PALM2AKAP2: variants seen among roughly 807,000 people sequenced by gnomAD.
The protein encoded by PALM2AKAP2 is PALM2 and AKAP2 fusion, also known as PALM2-AKAP2 fusion protein.
PALM2AKAP2 carries 37 observed loss-of-function variants against 71.5 expected under a neutral mutation model. That is an observed-to-expected ratio of 0.52 (90% confidence interval 0.40 to 0.68). The LOEUF (loss-of-function observed/expected upper bound fraction) is 0.68. PALM2AKAP2 is among the 30% of genes least tolerant of loss of function. PALM2AKAP2 has a pLI of 0.00. For missense variants in PALM2AKAP2, 1,224 were observed against 1,191.8 expected (o/e 1.03, Z -0.40); for synonymous variants, 468 against 478.8 (o/e 0.98, Z 0.29).
At chr9:110,116,407 C>T (rs76852190) in intron 1 of PALM2AKAP2, among the ~76,000 whole-genome samples, 11,118 of 151,986 alleles carry the variant, frequency 0.073, 573 homozygotes, top group South Asian at 0.12. Flanking sequence ...TGTGCGTGTG[C>T]GTGTGCGCGT....
chr9:109,663,124 T>G (rs939201393), intron 1 of PALM2AKAP2, among the ~76,000 whole-genome samples: 3 of 152,180 alleles, frequency 2.0e-5, no homozygotes, highest in African/African-American at 4.8e-5. Context: ...ATTTTGTTGA[T>G]CTTTTCAAAA....
At chr9:110,064,166 T>C (rs1244897017) in intron 1 of PALM2AKAP2, among the ~76,000 whole-genome samples, 3 of 152,148 alleles carry the variant, frequency 2.0e-5, no homozygotes, top group Non-Finnish European at 4.4e-5. Context: ...ATCTCCTTGA[T>C]ATGAGATCCT....
intron 5 of PALM2AKAP2, among the ~76,000 whole-genome samples, chr9:109,928,749 G>A (rs1236679524): frequency 6.6e-6 from 1 of 150,820 alleles, no homozygotes; most frequent in East Asian, 2.0e-4. Flanking sequence ...TCAGCTCACT[G>A]CAACGTCCGC....
At chr9:110,168,823 G>A (rs971442119) in exon 4 of PALM2AKAP2, 4 of 250,850 alleles carry the variant, frequency 1.6e-5, no homozygotes, top group Non-Finnish European at 3.1e-5. Flanking sequence ...GCGGAACTGA[G>A]ACCAGCCTCT....
At chr9:109,691,891 TATATATATATACAC>T (rs1564114946) in intron 1 of PALM2AKAP2, among the ~76,000 whole-genome samples, 42 of 69,352 alleles carry the variant, frequency 6.1e-4, no homozygotes, top group African/African-American at 1.9e-3. Flanking sequence ...CATATATATA[TATATATATATACAC>T]ACACACATAT....
intron 1 of PALM2AKAP2, among the ~76,000 whole-genome samples, chr9:109,807,849 C>T (rs1827622680): frequency 6.6e-6 from 1 of 152,122 alleles, no homozygotes; most frequent in Non-Finnish European, 1.5e-5. Context: ...GGGGTGGTTA[C>T]CCCTGTGCTG....
chr9:110,097,120 C>T (rs1224000193), intron 1 of PALM2AKAP2, among the ~76,000 whole-genome samples: 2 of 149,648 alleles, frequency 1.3e-5, no homozygotes, highest in Non-Finnish European at 3.0e-5. Flanking sequence ...TGTTTGTGTC[C>T]CTGGGTACTT....
intron 1 of PALM2AKAP2, among the ~76,000 whole-genome samples, chr9:110,092,819 A>G (rs1429056753): frequency 3.3e-5 from 5 of 152,134 alleles, no homozygotes; most frequent in Admixed American, 3.3e-4. Flanking sequence ...TATCAAGGTG[A>G]CTGACAGCAG....
At chr9:110,159,369 A>G (rs1377348784) in intron 3 of PALM2AKAP2, among the ~76,000 whole-genome samples, 1 of 152,120 alleles carries the variant, frequency 6.6e-6, no homozygotes, top group East Asian at 1.9e-4. Context: ...TCCATTTGCC[A>G]ATATTTTTTC....
chr9:110,145,033 C>A (rs184746778), intron 2 of PALM2AKAP2, among the ~76,000 whole-genome samples: 5 of 152,296 alleles, frequency 3.3e-5, no homozygotes, highest in Admixed American at 2.0e-4. Context: ...GTAATAGCTT[C>A]TCTCTCCAAC....
intron 1 of PALM2AKAP2, among the ~76,000 whole-genome samples, chr9:110,101,382 G>A (rs1218687988): frequency 6.7e-6 from 1 of 149,240 alleles, no homozygotes; most frequent in Non-Finnish European, 1.5e-5. Flanking sequence ...CAGAACCTTT[G>A]CTGGGAGTTA....
At chr9:109,645,867 T>A (rs201128005) in intron 1 of PALM2AKAP2, among the ~76,000 whole-genome samples, 2 of 152,124 alleles carry the variant, frequency 1.3e-5, no homozygotes, top group African/African-American at 4.8e-5. Flanking sequence ...AATATACCCA[T>A]GTAACAAACT....
At chr9:109,647,705 A>G (rs1465833457) in intron 1 of PALM2AKAP2, among the ~76,000 whole-genome samples, 1 of 152,190 alleles carries the variant, frequency 6.6e-6, no homozygotes, top group African/African-American at 2.4e-5. Context: ...TGCTCTGTCT[A>G]CTTGTCACTT....
intron 1 of PALM2AKAP2, among the ~76,000 whole-genome samples, chr9:109,684,279 A>G (rs1420656915): frequency 1.3e-5 from 2 of 152,138 alleles, no homozygotes; most frequent in African/African-American, 4.8e-5. Flanking sequence ...TTCCTGCAGC[A>G]TCTAGGGCAG....
At chr9:109,789,680 C>T (rs919007080) in intron 1 of PALM2AKAP2, among the ~76,000 whole-genome samples, 2 of 152,084 alleles carry the variant, frequency 1.3e-5, no homozygotes, top group Non-Finnish European at 1.5e-5. Flanking sequence ...CACAGCATGG[C>T]GGAGTTTGTA....
chr9:109,967,882 C>G (rs1055867834), intron 6 of PALM2AKAP2, among the ~76,000 whole-genome samples: 1 of 152,176 alleles, frequency 6.6e-6, no homozygotes, highest in African/African-American at 2.4e-5. Flanking sequence ...ACCATGAAGA[C>G]CACTTGAAGT....
At chr9:110,036,427 C>T (rs1588071094) in intron 7 of PALM2AKAP2, among the ~76,000 whole-genome samples, 2 of 152,142 alleles carry the variant, frequency 1.3e-5, no homozygotes, top group African/African-American at 4.8e-5. Context: ...GCAGCTTCCA[C>T]TTCCAATTAT....
intron 1 of PALM2AKAP2, among the ~76,000 whole-genome samples, chr9:109,758,859 T>C (rs1274760305): frequency 6.6e-6 from 1 of 152,128 alleles, no homozygotes; most frequent in African/African-American, 2.4e-5. Context: ...CATTTGTTTT[T>C]AATTGACTCA....
Position 110,060,747 on chromosome 9 carries a change from A to G in PALM2AKAP2, c.156+11892A>G, listed in dbSNP as rs146158414. On this transcript the variant is annotated intron_variant, in intron 1 of 3. Transcript: ENST00000374525. ...CTCCCGAGTAGCTGAGACTACAGGTACATGCCACCAGGGCTAGCTAATTTT... is the reference window on the plus strand; with the variant it reads ...CTCCCGAGTAGCTGAGACTACAGGTGCATGCCACCAGGGCTAGCTAATTTT... Among the ~76,000 whole-genome samples the G allele has an allele frequency of 5.3e-3, 805 of 152,084 alleles. 6 individuals are homozygous for G. Among genetic ancestry groups the G allele is most frequent in the Middle Eastern group, 0.027 (8 of 294 alleles).
Sources: gnomAD v4.1 joint callset for allele counts (sites outside exome capture counted in the v4.1 genomes callset) on GRCh38, gnomAD v4.1.1 for gene constraint, MANE v1.5 for transcripts, NCBI Gene and HGNC (gene_info 2026-07-23, HGNC 2026-07-21) for gene names.